EDARADD: variants seen among roughly 807,000 people sequenced by gnomAD.
The protein encoded by EDARADD is ectodysplasin-A receptor-associated adapter protein.
A neutral mutation model predicts 25.6 loss-of-function variants in EDARADD; 20 were observed. That is an observed-to-expected ratio of 0.78 (90% CI 0.55 to 1.14). The LOEUF (loss-of-function observed/expected upper bound fraction) is 1.14, where lower values mean the gene tolerates loss of function less well. Ranked by LOEUF, EDARADD falls within the 50% of genes most tolerant of loss-of-function variation. EDARADD has a pLI of 0.00. For synonymous variants in EDARADD, 86 were observed against 94.4 expected (o/e 0.91, Z 0.52); for missense variants, 225 against 270.1 (o/e 0.83, Z 1.17).
At chr1:236,358,628 A>G (rs1225767122) in intron 3 of EDARADD, among the ~76,000 whole-genome samples, 1 of 152,170 alleles carries the variant, frequency 6.6e-6, no homozygotes, top group Non-Finnish European at 1.5e-5. Flanking sequence ...TTCATTATTT[A>G]CCCAAGAATC....
intron 4 of EDARADD, among the ~76,000 whole-genome samples, chr1:236,447,003 G>A (rs1297115886): frequency 6.6e-6 from 1 of 152,144 alleles, no homozygotes; most frequent in Admixed American, 6.5e-5. Flanking sequence ...ACAGCCAATG[G>A]GCGAGGAGGG....
rs1558108540 is a variant in EDARADD, at chr1:236,394,499, C to T, written c.55C>T (p.Gln19Ter). Reference protein sequence around the residue: ...MGRGTKAPGHQEDHMVKEPVE... With the variant: ...MGRGTKAPGH ...GAGAGGCACTAAAGCTCCTGGTCAC[C>T]AAGAGGGTATGTAGGCATTTGCTGT... Residue 19 changes from glutamine to a stop codon, truncating the protein, a stop_gained, in exon 1 of 6, where the codon CAA becomes TAA. Transcript: ENST00000334232. LOFTEE classifies it high-confidence loss of function. The T allele has an allele frequency of 3.7e-6, 6 of 1,613,890 alleles. No individual in the cohort carries two copies. The highest frequency in any genetic ancestry group is 5.1e-6 in the Non-Finnish European group (6 of 1,179,914).
chr1:236,466,054 A>G, intron 4 of EDARADD, among the ~76,000 whole-genome samples: 1 of 152,200 alleles, frequency 6.6e-6, no homozygotes. Flanking sequence ...AGTCAGGTTC[A>G]TGTTTTAGCA....
intron 4 of EDARADD, among the ~76,000 whole-genome samples, chr1:236,464,250 A>T (rs1185846328): frequency 2.1e-5 from 3 of 142,388 alleles, no homozygotes; most frequent in East Asian, 4.5e-4. Context: ...TTCTGCAAGT[A>T]TTATTTTTTT....
chr1:236,409,731 T>A (rs1218500242), intron 2 of EDARADD, among the ~76,000 whole-genome samples: 1 of 151,070 alleles, frequency 6.6e-6, no homozygotes, highest in Non-Finnish European at 1.5e-5. Context: ...CTGGCTAATT[T>A]TTTTTTTTTT....
intron 1 of EDARADD, among the ~76,000 whole-genome samples, chr1:236,404,606 T>A (rs1667674522): frequency 1.3e-5 from 2 of 152,224 alleles, no homozygotes; most frequent in Non-Finnish European, 2.9e-5. Flanking sequence ...CTGGGCAATA[T>A]AGCGAGACCC....
At chr1:236,448,017 T>C (rs1036760189) in intron 4 of EDARADD, among the ~76,000 whole-genome samples, 58 of 152,148 alleles carry the variant, frequency 3.8e-4, no homozygotes, top group African/African-American at 1.3e-3. Context: ...GTACTTTTAG[T>C]AGAGACGGGG....
intron 3 of EDARADD, among the ~76,000 whole-genome samples, chr1:236,382,252 T>C (rs1667311122): frequency 6.6e-6 from 1 of 152,218 alleles, no homozygotes; most frequent in South Asian, 2.1e-4. Context: ...AATATTTTCT[T>C]CTGCAATATC....
intron 3 of EDARADD, among the ~76,000 whole-genome samples, chr1:236,359,711 C>T (rs1378019381): frequency 1.3e-5 from 2 of 152,188 alleles, no homozygotes; most frequent in African/African-American, 4.8e-5. Flanking sequence ...AGGGGAACTC[C>T]TCTTTTTAAA....
At chr1:236,369,986 T>TCCAC (rs1428068801) in intron 3 of EDARADD, among the ~76,000 whole-genome samples, 2 of 152,216 alleles carry the variant, frequency 1.3e-5, no homozygotes, top group Non-Finnish European at 2.9e-5. Context: ...GTTGCAGGGA[T>TCCAC]CCACCATCTT....
At chr1:236,410,080 G>A (rs1366196933) in intron 2 of EDARADD, among the ~76,000 whole-genome samples, 1 of 151,986 alleles carries the variant, frequency 6.6e-6, no homozygotes, top group Non-Finnish European at 1.5e-5. Context: ...TTCATTTTAT[G>A]GTTTTATTAT....
chr1:236,377,391 A>G (rs1166096814), intron 3 of EDARADD, among the ~76,000 whole-genome samples: 1 of 150,114 alleles, frequency 6.7e-6, no homozygotes, highest in Non-Finnish European at 1.5e-5. Flanking sequence ...CCTGACCTCA[A>G]GCTATCTGCC....
intron 5 of EDARADD, among the ~76,000 whole-genome samples, chr1:236,476,432 T>G (rs1008214441): frequency 3.3e-5 from 5 of 152,202 alleles, no homozygotes; most frequent in African/African-American, 1.2e-4. Flanking sequence ...ACACCTGTAA[T>G]CCCAGCACTT....
chr1:236,401,917 C>A (rs1667618434), intron 1 of EDARADD, among the ~76,000 whole-genome samples: 1 of 152,184 alleles, frequency 6.6e-6, no homozygotes, highest in Admixed American at 6.5e-5. Context: ...GACACACAGA[C>A]ACTCACCTTC....
chr1:236,416,560 A>G (rs1227934604), intron 3 of EDARADD, among the ~76,000 whole-genome samples: 1 of 152,238 alleles, frequency 6.6e-6, no homozygotes, highest in Non-Finnish European at 1.5e-5. Context: ...TAATGAATTT[A>G]TAAGTAACGT....
At chr1:236,382,113 A>C (rs1186917188) in intron 3 of EDARADD, among the ~76,000 whole-genome samples, 1 of 151,848 alleles carries the variant, frequency 6.6e-6, no homozygotes, top group East Asian at 1.9e-4. Flanking sequence ...TTCTTCAAAC[A>C]TTTTTGTCCT....
chr1:236,461,507 A>G (rs1188794629), intron 4 of EDARADD, among the ~76,000 whole-genome samples: 1 of 152,156 alleles, frequency 6.6e-6, no homozygotes, highest in Non-Finnish European at 1.5e-5. Flanking sequence ...CCATTGGTCT[A>G]AGTGTTTGGT....
chr1:236,350,818 T>TA (rs1207222551), exon 3 of EDARADD: 1 of 152,242 alleles, frequency 6.6e-6, no homozygotes, highest in Non-Finnish European at 1.5e-5. Flanking sequence ...CCCTGCCCCA[T>TA]ACCTGGGGTC....
rs193042388 is a variant in EDARADD, at chr1:236,394,337, A to G, written c.-108A>G. The G allele has an allele frequency of 2.2e-3, 2,681 of 1,225,252 alleles. 11 individuals are homozygous for G. The highest frequency in any genetic ancestry group is 2.7e-3 in the Non-Finnish European group (2,241 of 831,702). The allele number at this position is 1,225,252 out of a possible 1,614,324, so 75.9% of individuals were successfully genotyped here. On this transcript the variant is annotated 5_prime_UTR_variant, in exon 1 of 6. Transcript: ENST00000334232. ...CCTACAAATTCCCCAGAGAGCTTTC[A>G]TCTAGAAGGTTTGACTCTGGCCAGA...
Sources: gnomAD v4.1 joint callset for allele counts (sites outside exome capture counted in the v4.1 genomes callset) on GRCh38, gnomAD v4.1.1 for gene constraint, MANE v1.5 for transcripts, NCBI Gene and HGNC (gene_info 2026-07-23, HGNC 2026-07-21) for gene names.